VWF: variants seen among roughly 807,000 people sequenced by gnomAD.
The protein encoded by VWF is von Willebrand factor.
A neutral mutation model predicts 308.6 loss-of-function variants in VWF; 176 were observed. The ratio of observed to expected loss-of-function variants is 0.57; its 90% confidence interval spans 0.50 to 0.65. The LOEUF is 0.65. Among genes scored for constraint, VWF ranks in the 30% least tolerant of loss-of-function variants. The pLI is 0.00. For missense variants in VWF, 3,146 were observed against 3,648.2 expected, an observed-to-expected ratio of 0.86 and a Z score of 3.55; for synonymous variants, 1,385 against 1,443.4, an observed-to-expected ratio of 0.96 and a Z score of 0.92.
chr12:5,964,222 A>ACATACATACATG (rs1943356075), intron 47 of VWF, among the ~76,000 whole-genome samples: 1 of 116,676 alleles, frequency 8.6e-6, no homozygotes, highest in Non-Finnish European at 1.7e-5. Context: ...GTCTAAAAAT[A>ACATACATACATG]CATACATACA....
In VWF at chr12:6,025,925, T is replaced by C. The variant is rs145125264; in HGVS notation, c.3089A>G (p.Gln1030Arg). Reference sequence around the variant, plus strand: ...ACGTACTTTTCTGGTGTCAGCACACTGCGAGCTCACTTTCCAGGAGTTCCC... The same window carrying C: ...ACGTACTTTTCTGGTGTCAGCACACCGCGAGCTCACTTTCCAGGAGTTCCC... The part of the protein sequence containing the change: ...DFGNSWKVSS[Q>R]CADTRKVPLD... The change falls in exon 23 of 52, where the codon CAG becomes CGG. Residue 1030 changes from glutamine to arginine, a missense_variant. Coordinates refer to ENST00000261405, the MANE Select transcript of VWF (RefSeq NM_000552.5). 659 of 1,614,006 alleles carry C rather than the reference T, an allele frequency of 4.1e-4. 5 individuals carry two copies. The African/African-American group carries it at 7.3e-3, about 18-fold the overall frequency.
rs755385279 is a variant in VWF, at chr12:6,023,718, C to T, written c.3292G>A (p.Ala1098Thr). The change falls in exon 25 of 52, where the codon GCC (alanine) becomes ACC (threonine). Residue 1098 changes from alanine (A) to threonine (T), a missense_variant. This residue lies in a region of VWF where 853 missense variants were observed against 1,177.8 expected (regional missense o/e 0.72). Coordinates refer to ENST00000261405, the MANE Select transcript of VWF (RefSeq NM_000552.5). ...TCSCESIGDC[A>T]CFCDTIAAYA... ...GCAGCAATGGTGTCGCAGAAGCAGG[C>T]GCAGTCCCCAATGGACTCACAGGAG... 9.3e-6 allele frequency: 15 copies of T among 1,613,766 alleles called. No homozygotes were observed. In the East Asian group the frequency reaches 1.1e-4, roughly 12 times the overall value.
At chr12:5,969,498 T>TGGCTTAA in intron 44 of VWF, 107 bp from the exon 45 acceptor site, 1 of 1,347,166 alleles carries the variant, frequency 7.4e-7, no homozygotes. Flanking sequence ...ACGTGAAGCC[T>TGGCTTAA]GGCTTAACAT....
chr12:6,058,625 G>A lies in VWF; in HGVS notation c.1534-581C>T, dbSNP rs1944620327. Among the ~76,000 whole-genome samples the A allele has an allele frequency of 6.6e-6, 1 of 152,180 alleles. No homozygotes were observed. The highest frequency in any genetic ancestry group is 1.5e-5 in the Non-Finnish European group (1 of 68,036). ...ACCTGCTGCCTGCCACTCAGGCCCT[G>A]GGCATCACTGAAGAGAAAGGGCCAC... On this transcript the variant is annotated intron_variant, in intron 13 of 51. Transcript: ENST00000261405. The surrounding 1 kb of genome is among the most constrained non-coding windows in gnomAD (Gnocchi z 4.9).
At chr12:6,062,276 A>G (rs1041193232) in intron 13 of VWF, among the ~76,000 whole-genome samples, 2 of 152,124 alleles carry the variant, frequency 1.3e-5, no homozygotes, top group Admixed American at 6.5e-5. Flanking sequence ...GGTGGGGGTC[A>G]GAGTGGGATC....
chr12:6,108,888 G>A (rs1478818159), intron 5 of VWF, among the ~76,000 whole-genome samples: 1 of 151,754 alleles, frequency 6.6e-6, no homozygotes, highest in Non-Finnish European at 1.5e-5. Flanking sequence ...GGCTGAGGCA[G>A]GAGAATGGCG....
intron 25 of VWF, among the ~76,000 whole-genome samples, chr12:6,023,368 T>C (rs2136418041): frequency 6.6e-6 from 1 of 152,312 alleles, no homozygotes; most frequent in East Asian, 1.9e-4. Context: ...TCATCAGTAT[T>C]CCCTCTTCTC....
At chr12:5,973,751 C>G (rs955634209) in intron 43 of VWF, among the ~76,000 whole-genome samples, 4 of 152,174 alleles carry the variant, frequency 2.6e-5, no homozygotes, top group Admixed American at 2.0e-4. Flanking sequence ...TAAATAATAT[C>G]TAATGGACTT....
At chr12:5,996,372 C>CT (rs1299918404) in intron 34 of VWF, 150 bp from the exon 35 acceptor site, 6 of 735,656 alleles carry the variant, frequency 8.2e-6, no homozygotes, top group African/African-American at 7.0e-5. Context: ...CAATTTCCTC[C>CT]TTTTTTTACA....
intron 3 of VWF, among the ~76,000 whole-genome samples, chr12:6,112,838 A>AC (rs1945324180): frequency 6.6e-6 from 1 of 150,932 alleles, no homozygotes; most frequent in Non-Finnish European, 1.5e-5. Context: ...ACACACACAC[A>AC]CACACACACA....
intron 13 of VWF, among the ~76,000 whole-genome samples, chr12:6,059,033 C>G (rs1161854149): frequency 6.6e-6 from 1 of 152,122 alleles, no homozygotes; most frequent in Non-Finnish European, 1.5e-5. Flanking sequence ...CTCTTAGAGC[C>G]CCTTTTCAGC....
At chr12:5,979,068 A>G (rs1943562961) in intron 42 of VWF, among the ~76,000 whole-genome samples, 1 of 152,214 alleles carries the variant, frequency 6.6e-6, no homozygotes, top group African/African-American at 2.4e-5. Context: ...CACACATCAA[A>G]CACATAAGAA....
intron 34 of VWF, among the ~76,000 whole-genome samples, chr12:6,010,246 G>A (rs1943979283): frequency 6.6e-6 from 1 of 152,144 alleles, no homozygotes; most frequent in African/African-American, 2.4e-5. Context: ...CTCATCATTA[G>A]AGAAATGAAT....
rs115287009 is a variant in VWF, at chr12:6,052,012, G to A, written c.2186+531C>T. 4.9e-3 allele frequency among the ~76,000 whole-genome samples: 746 copies of A among 152,246 alleles called. 6 individuals carry two copies. Among genetic ancestry groups the A allele is most frequent in the African/African-American group, 0.015 (629 of 41,528 alleles). ...ATGTCCTGTTGTAAATTTCTTCCAC[G>A]CTCATGGCAACCCTGTTGAAACCGA... is the stretch of plus-strand genomic sequence containing the variant. On this transcript the variant is annotated intron_variant, in intron 16 of 51. Coordinates refer to ENST00000261405, the MANE Select transcript of VWF (RefSeq NM_000552.5).
intron 38 of VWF, among the ~76,000 whole-genome samples, chr12:5,990,359 G>A (rs1046203473): frequency 6.6e-6 from 1 of 152,156 alleles, no homozygotes; most frequent in African/African-American, 2.4e-5. Context: ...TAGGATGTGC[G>A]ATTATGACCC....
chr12:6,074,225 T>C (rs1944814301), intron 7 of VWF, among the ~76,000 whole-genome samples: 1 of 152,066 alleles, frequency 6.6e-6, no homozygotes, highest in East Asian at 1.9e-4. Context: ...ACTCATTCCA[T>C]ATTTATTTCC....
chr12:6,005,116 AC>A (rs1306115357), intron 34 of VWF, among the ~76,000 whole-genome samples: 1 of 152,210 alleles, frequency 6.6e-6, no homozygotes, highest in East Asian at 1.9e-4. Context: ...CCAGGAAAAC[AC>A]TTTAGAATAA....
chr12:6,110,939 G>A lies in VWF; in HGVS notation c.250C>T (p.Leu84Phe), dbSNP rs372664002. The change falls in exon 4 of 52, where the codon CTC becomes TTC. Residue 84 changes from leucine to phenylalanine, a missense_variant. Leu to Phe is a conservative substitution (Grantham distance 22). Transcript: ENST00000261405. ...AAAAATTCCCCAAGATACACGGAGAGGCTCACTCTCTTGCCATTCTGGAAG... is the reference window on the plus strand; with the variant it reads ...AAAAATTCCCCAAGATACACGGAGAAGCTCACTCTCTTGCCATTCTGGAAG... ...GDFQNGKRVS[L>F]SVYLGEFFDI... 1.0e-4 allele frequency: 169 copies of A among 1,613,970 alleles called. 1 individual carries two copies. The highest frequency in any genetic ancestry group is 7.8e-4 in the Admixed American group (47 of 59,986).
chr12:6,010,296 A>T (rs10437830), intron 34 of VWF, among the ~76,000 whole-genome samples: 4,589 of 152,294 alleles, frequency 0.03, 220 homozygotes, highest in African/African-American at 0.1. Context: ...CTGAAAAGTA[A>T]GAAATTTGCA....
Sources: gnomAD v4.1 joint callset for allele counts (sites outside exome capture counted in the v4.1 genomes callset) on GRCh38, gnomAD v4.1.1 for gene constraint, gnomAD v4.1.1 regional missense constraint, Gnocchi (gnomAD v3.1) non-coding constraint, MANE v1.5 for transcripts, NCBI Gene and HGNC (gene_info 2026-07-23, HGNC 2026-07-21) for gene names.